NELL1: variants seen among roughly 807,000 people sequenced by gnomAD.
The protein encoded by NELL1 is neural EGFL like 1, also known as protein kinase C-binding protein NELL1.
NELL1 carries 76 observed loss-of-function variants against 107.4 expected under a neutral mutation model. The ratio of observed to expected loss-of-function variants is 0.71; its 90% confidence interval spans 0.59 to 0.86. NELL1 has a LOEUF of 0.86. Ranked by LOEUF, NELL1 falls within the 40% of genes least tolerant of loss-of-function variation. The probability of loss-of-function intolerance (pLI) is 0.00; values close to 1 mark genes in which losing one functional copy is unlikely to be tolerated. For synonymous variants in NELL1, 353 were observed against 341.2 expected, an observed-to-expected ratio of 1.03 and a Z score of -0.38; for missense variants, 1,024 against 1,005.5, an observed-to-expected ratio of 1.02 and a Z score of -0.25.
At chr11:20,800,162 TGAACATAC>T in intron 3 of NELL1, among the ~76,000 whole-genome samples, 1 of 152,234 alleles carries the variant, frequency 6.6e-6, no homozygotes, top group African/African-American at 2.4e-5. Context: ...GGCACTGTGA[TGAACATAC>T]TAGTGTATGT....
intron 2 of NELL1, among the ~76,000 whole-genome samples, chr11:20,775,258 G>C (rs1484593764): frequency 6.6e-6 from 1 of 152,114 alleles, no homozygotes; most frequent in Non-Finnish European, 1.5e-5. Flanking sequence ...TAAATTTTAT[G>C]TTACCATAGA....
chr11:21,155,955 C>A (rs566761467), intron 13 of NELL1, among the ~76,000 whole-genome samples: 122 of 152,300 alleles, frequency 8.0e-4, no homozygotes, highest in Admixed American at 3.0e-3. Flanking sequence ...ACTTAGCCCA[C>A]ATGGCGAGCA....
chr11:20,990,679 A>T (rs1336610925), intron 12 of NELL1, among the ~76,000 whole-genome samples: 2 of 152,192 alleles, frequency 1.3e-5, no homozygotes, highest in Non-Finnish European at 2.9e-5. Context: ...CTCATACCAC[A>T]TTATCCTTTC....
At chr11:20,872,102 A>G (rs1297563196) in intron 4 of NELL1, among the ~76,000 whole-genome samples, 1 of 148,180 alleles carries the variant, frequency 6.7e-6, no homozygotes, top group East Asian at 2.1e-4. Flanking sequence ...TGGCTGGGGC[A>G]GGAGCTCCCA....
chr11:21,530,179 C>T (rs1456549771), intron 15 of NELL1, among the ~76,000 whole-genome samples: 1 of 152,022 alleles, frequency 6.6e-6, no homozygotes, highest in Non-Finnish European at 1.5e-5. Flanking sequence ...TCAATATCAC[C>T]CTAAAAACTC....
At chr11:21,277,206 AAAAC>A (rs747193456) in intron 14 of NELL1, among the ~76,000 whole-genome samples, 45 of 152,338 alleles carry the variant, frequency 3.0e-4, no homozygotes, top group East Asian at 1.9e-3. Context: ...CTACAAGAAA[AAAAC>A]AAACAGCCCC....
chr11:20,903,967 A>G (rs2134136151), intron 5 of NELL1, among the ~76,000 whole-genome samples: 1 of 152,284 alleles, frequency 6.6e-6, no homozygotes, highest in East Asian at 1.9e-4. Context: ...CAGTCCTGAA[A>G]GATTTCAGCC....
rs931575953 is a variant in NELL1, at chr11:20,692,302, T to G, written c.184+14242T>G. 2.7e-3 allele frequency among the ~76,000 whole-genome samples: 404 copies of G among 152,064 alleles called. 3 individuals are homozygous for G. Among genetic ancestry groups the G allele is most frequent in the African/African-American group, 9.4e-3 (391 of 41,480 alleles). On this transcript the variant is annotated intron_variant, in intron 2 of 19. Coordinates refer to ENST00000357134, the MANE Select transcript of NELL1 (RefSeq NM_006157.5). ...CTATTTCCTTCAGTTCTGCTCTGAT[T>G]TTATTTATTTCTTGCCTTCTGCTAG... is the stretch of plus-strand genomic sequence containing the variant.
Position 20,703,392 on chromosome 11 carries a change from T to C in NELL1, c.184+25332T>C, listed in dbSNP as rs186747302. Among the ~76,000 whole-genome samples, 863 of 152,318 alleles carry C rather than the reference T, an allele frequency of 5.7e-3. 1 individual carries two copies. The highest frequency in any genetic ancestry group is 0.02 in the African/African-American group (826 of 41,576). On this transcript the variant is annotated intron_variant, in intron 2 of 19. Transcript: ENST00000357134. The stretch of plus-strand genomic sequence containing the variant: ...TGCGTCTATTTGATTCTTCTCTCTT[T>C]TCTTCTTTATTAATCTTGCTAGCAG...
intron 3 of NELL1, among the ~76,000 whole-genome samples, chr11:20,817,339 T>G (rs1253950777): frequency 1.3e-5 from 2 of 152,174 alleles, no homozygotes; most frequent in African/African-American, 4.8e-5. Context: ...TGTTCAGGAT[T>G]TCAATTTCTT....
chr11:21,298,918 C>T (rs1849433582), intron 14 of NELL1, among the ~76,000 whole-genome samples: 1 of 152,016 alleles, frequency 6.6e-6, no homozygotes, highest in Non-Finnish European at 1.5e-5. Context: ...CATCTTCTCT[C>T]TCCTGTGAGG....
At chr11:20,865,816 T>C (rs1849085124) in intron 4 of NELL1, among the ~76,000 whole-genome samples, 1 of 152,174 alleles carries the variant, frequency 6.6e-6, no homozygotes, top group Admixed American at 6.5e-5. Flanking sequence ...TGTACTTCTG[T>C]AAACAATGCC....
chr11:20,978,852 T>C (rs74815943), intron 12 of NELL1, among the ~76,000 whole-genome samples: 2 of 152,184 alleles, frequency 1.3e-5, no homozygotes, highest in South Asian at 4.1e-4. Context: ...ACGTTACTGC[T>C]CTAGGTCTCC....
intron 14 of NELL1, among the ~76,000 whole-genome samples, chr11:21,337,880 T>G (rs539885909): frequency 6.6e-6 from 1 of 150,576 alleles, no homozygotes; most frequent in Admixed American, 6.6e-5. Flanking sequence ...TTTCTTTCTT[T>G]CTTTCAGTGC....
intron 14 of NELL1, among the ~76,000 whole-genome samples, chr11:21,281,379 A>G (rs953374864): frequency 2.0e-5 from 3 of 152,082 alleles, no homozygotes; most frequent in Non-Finnish European, 4.4e-5. Context: ...GTGCCAGTTC[A>G]ATTGCAATAC....
In NELL1 at chr11:21,370,849, A is replaced by G. The variant is rs754791611; in HGVS notation, c.1550-4A>G. The G allele has an allele frequency of 6.2e-7, 1 of 1,610,296 alleles. No individual in the cohort carries two copies. The highest frequency in any genetic ancestry group is 1.3e-5 in the African/African-American group (1 of 74,886). ...AAGATAAATACTTTGTTCTCTTGCA[A>G]CAGCTTTCTGTGAAGAGGGCTGCAG... On this transcript the variant is annotated splice_region_variant and splice_polypyrimidine_tract_variant and intron_variant, in intron 14 of 19. Coordinates refer to ENST00000357134, the MANE Select transcript of NELL1 (RefSeq NM_006157.5).
intron 5 of NELL1, among the ~76,000 whole-genome samples, chr11:20,900,681 A>T (rs893645416): frequency 3.3e-5 from 5 of 152,186 alleles, no homozygotes; most frequent in Admixed American, 6.5e-5. Flanking sequence ...TGCTTAAGCC[A>T]ATTTACTTTT....
At chr11:21,163,082 A>C (rs1856407826) in intron 13 of NELL1, among the ~76,000 whole-genome samples, 1 of 152,336 alleles carries the variant, frequency 6.6e-6, no homozygotes, top group Non-Finnish European at 1.5e-5. Context: ...TGAGTTTTGA[A>C]CAAAGAGCAG....
intron 2 of NELL1, among the ~76,000 whole-genome samples, chr11:20,771,119 G>A (rs1856631785): frequency 6.6e-6 from 1 of 152,100 alleles, no homozygotes; most frequent in Non-Finnish European, 1.5e-5. Flanking sequence ...GCAATGCAGA[G>A]GGTCCCCCTC....
Sources: gnomAD v4.1 joint callset for allele counts (sites outside exome capture counted in the v4.1 genomes callset) on GRCh38, gnomAD v4.1.1 for gene constraint, MANE v1.5 for transcripts, NCBI Gene and HGNC (gene_info 2026-07-23, HGNC 2026-07-21) for gene names.